Variants in GZMK observed in about 807,000 individuals in gnomAD.
The protein encoded by GZMK is granzyme K, also known as NK-Tryp-2.
A neutral mutation model predicts 22.8 loss-of-function variants in GZMK; 18 were observed. The observed-to-expected ratio is 0.79, with a 90% CI of 0.54 to 1.17. The LOEUF (loss-of-function observed/expected upper bound fraction) is 1.17. GZMK is among the 50% of genes most tolerant of loss of function. The pLI is 0.00. For synonymous variants in GZMK, 136 were observed against 115.0 expected (o/e 1.18, Z -1.17); for missense variants, 342 against 320.2 (o/e 1.07, Z -0.52).
chr5:55,033,860 C>T lies in GZMK; in HGVS notation c.729C>T (p.Tyr243=), dbSNP rs1741275408. The part of the protein sequence containing the change: ...ECGVATKPGI[Y]TLLTKKYQTW... ...GTGTTGCCACAAAGCCTGGAATCTACACCCTGTTAACCAAGAAATACCAGA... is the reference window on the plus strand; with the variant it reads ...GTGTTGCCACAAAGCCTGGAATCTATACCCTGTTAACCAAGAAATACCAGA... Residue 243 remains tyrosine, a synonymous_variant, in exon 5 of 5, where the codon TAC becomes TAT. Coordinates refer to ENST00000231009, the MANE Select transcript of GZMK (RefSeq NM_002104.3). 1 of 1,613,658 alleles carries T rather than the reference C, an allele frequency of 6.2e-7. No homozygotes were observed. The highest frequency in any genetic ancestry group is 2.2e-5 in the East Asian group (1 of 44,882).
rs1425591885 is a variant in GZMK at position 55,024,370 on chromosome 5, T to G, written c.48T>G (p.Ala16=). 2 of 1,468,030 alleles carry G rather than the reference T, an allele frequency of 1.4e-6. No homozygotes were observed. Among genetic ancestry groups the G allele is most frequent in the Admixed American group, 1.7e-5 (1 of 59,696 alleles). 90.9% of individuals were successfully genotyped at this position (1,468,030 alleles called of 1,614,324 possible). A position where few individuals can be genotyped will look rare whatever the true frequency, so the allele number is the denominator to read the frequency against. Residue 16 remains alanine, a synonymous_variant, in exon 1 of 5, where the codon GCT becomes GCG. Coordinates refer to ENST00000231009, the MANE Select transcript of GZMK (RefSeq NM_002104.3). ...CTCTGTTTTTCCTAATAGTTGGGGC[T>G]TATATGACTCATGTGTGTAAGTATC... is the stretch of plus-strand genomic sequence containing the variant. The part of the protein sequence containing the change: ...SFSLFFLIVG[A]YMTHVCFNME...
chr5:55,024,832 C>T (rs752139544), intron 2 of GZMK, 25 bp downstream of exon 2: 8 of 1,497,762 alleles, frequency 5.3e-6, no homozygotes, highest in African/African-American at 1.4e-5. Context: ...CTTTTCCAGA[C>T]ATGTGTTTTT....
intron 3 of GZMK, among the ~76,000 whole-genome samples, chr5:55,030,880 A>G (rs1741218874): frequency 6.6e-6 from 1 of 152,174 alleles, no homozygotes; most frequent in South Asian, 2.1e-4. Context: ...TTTTCTCCCA[A>G]ATGCTTTTCT....
Position 55,033,772 on chromosome 5 carries a change from C to T in GZMK, c.641C>T (p.Ser214Leu), listed in dbSNP as rs373252647. ...KGQKDSCKGD[S>L]GGPLICKGVF... ...CCTTTTTCTTCCTTCCAGGGTGACT[C>T]AGGGGGCCCCTTGATCTGTAAAGGT... is the stretch of plus-strand genomic sequence containing the variant. Residue 214 changes from serine to leucine, a missense_variant, in exon 5 of 5, where the codon TCA (serine) becomes TTA (leucine). Physicochemically the swap from Ser to Leu is moderately radical, Grantham distance 145. Coordinates refer to ENST00000231009, the MANE Select transcript of GZMK (RefSeq NM_002104.3). 2.5e-6 allele frequency: 4 copies of T among 1,597,856 alleles called. No individual in the cohort carries two copies. The highest frequency in any genetic ancestry group is 2.3e-5 in the South Asian group (2 of 87,192).
chr5:55,032,227 C>A (rs189609140), intron 4 of GZMK, among the ~76,000 whole-genome samples: 2 of 152,296 alleles, frequency 1.3e-5, no homozygotes, highest in Admixed American at 1.3e-4. Context: ...TAAACAGCTT[C>A]TTTTCACTCT....
At chr5:55,026,536 C>T (rs1446198842) in intron 2 of GZMK, among the ~76,000 whole-genome samples, 1 of 151,936 alleles carries the variant, frequency 6.6e-6, no homozygotes, top group Non-Finnish European at 1.5e-5. Context: ...AAAAAGTAGG[C>T]AGATCGGTGG....
chr5:55,024,531 T>C (rs1741114014), intron 1 of GZMK, 129 bp from the exon 2 acceptor site: 2 of 795,870 alleles, frequency 2.5e-6, no homozygotes, highest in South Asian at 3.6e-5. Context: ...AGTAAAATTA[T>C]TGTAGCTTTT....
intron 2 of GZMK, 159 bp from the exon 3 acceptor site, chr5:55,030,274 TG>T: frequency 1.6e-6 from 1 of 607,162 alleles, no homozygotes; most frequent in Non-Finnish European, 2.8e-6. Flanking sequence ...CAATTCATGC[TG>T]GGCTCCACTA....
At chr5:55,024,549 G>A in intron 1 of GZMK, 111 bp from the exon 2 acceptor site, 1 of 843,578 alleles carries the variant, frequency 1.2e-6, no homozygotes. Flanking sequence ...TTTAGGTAGG[G>A]TTATTGTTGT....
chr5:55,028,180 C>T (rs1207947499), intron 2 of GZMK: 1 of 152,194 alleles, frequency 6.6e-6, no homozygotes, highest in African/African-American at 2.4e-5. Context: ...GCATCCCTCC[C>T]TTAGTGAGAA....
intron 4 of GZMK, 83 bp downstream of exon 4, chr5:55,031,716 G>A: frequency 9.4e-7 from 1 of 1,064,724 alleles, no homozygotes; most frequent in Non-Finnish European, 1.4e-6. Context: ...TGAGGAGGAG[G>A]GAGGGGCATG....
intron 4 of GZMK, 144 bp from the exon 5 acceptor site, chr5:55,033,621 A>G (rs754291194): frequency 3.5e-5 from 21 of 600,338 alleles, no homozygotes; most frequent in Non-Finnish European, 6.1e-5. Context: ...ATAACGAGTA[A>G]GAGGCAGTGT....
Position 55,030,471 on chromosome 5 carries a change from G to A in GZMK, c.250G>A (p.Ala84Thr), listed in dbSNP as rs545769925. 35 of 1,613,422 alleles carry A rather than the reference G, an allele frequency of 2.2e-5. No individual in the cohort carries two copies. Among genetic ancestry groups the A allele is most frequent in the African/African-American group, 5.3e-5 (4 of 74,974 alleles). ...CCAGTCTCCCACTGTGGTTTTAGGC[G>A]CACACTCTCTCTCAAAGAATGAGGC... is the stretch of plus-strand genomic sequence containing the variant. ...KGQSPTVVLG[A>T]HSLSKNEASK... The change falls in exon 3 of 5, where the codon GCA becomes ACA. Residue 84 changes from alanine (A) to threonine (T), a missense_variant. Transcript: ENST00000231009.
chr5:55,024,778 GGTGCTGA>G lies in GZMK; in HGVS notation c.184_190del (p.Val62GlnfsTer19). 6.2e-7 allele frequency: 1 copy of G among 1,608,598 alleles called. No individual in the cohort carries two copies. ...GAGGTGTTCTGATTGATCCACAGTG[GGTGCTGA>G]CAGCAGCCCACTGCCAATATCGGTG... On this transcript the variant is annotated frameshift_variant, in exon 2 of 5. Transcript: ENST00000231009. LOFTEE classifies it high-confidence loss of function.
At chr5:55,031,670 CT>C (rs1205057059) in intron 4 of GZMK, 37 bp downstream of exon 4, 1 of 1,579,106 alleles carries the variant, frequency 6.3e-7, no homozygotes, top group Non-Finnish European at 8.6e-7. Flanking sequence ...TCTTGGAGCG[CT>C]GTACAGTAGC....
chr5:55,027,657 A>G (rs1190623332), intron 2 of GZMK: 2 of 152,246 alleles, frequency 1.3e-5, no homozygotes, highest in Non-Finnish European at 2.9e-5. Context: ...ACCAGCCTTG[A>G]AAAAGGTTAT....
chr5:55,026,409 T>C (rs944255961), intron 2 of GZMK, among the ~76,000 whole-genome samples: 43 of 115,816 alleles, frequency 3.7e-4, no homozygotes, highest in Admixed American at 1.6e-3. Flanking sequence ...TGGAGTTTTT[T>C]GTGTTTTGTT....
At chr5:55,033,534 T>A (rs1741266974) in intron 4 of GZMK, among the ~76,000 whole-genome samples, 1 of 152,126 alleles carries the variant, frequency 6.6e-6, no homozygotes, top group South Asian at 2.1e-4. Flanking sequence ...ATAGTCATAG[T>A]CATAGATAGA....
chr5:55,028,969 T>G (rs185074882), intron 2 of GZMK, among the ~76,000 whole-genome samples: 6 of 152,310 alleles, frequency 3.9e-5, no homozygotes, highest in African/African-American at 1.2e-4. Flanking sequence ...GCACAGAGAC[T>G]CACGCCTGTA....
Sources: gnomAD v4.1 joint callset for allele counts (sites outside exome capture counted in the v4.1 genomes callset) on GRCh38, gnomAD v4.1.1 for gene constraint, MANE v1.5 for transcripts, NCBI Gene and HGNC (gene_info 2026-07-23, HGNC 2026-07-21) for gene names.